PYGL: variants seen among roughly 807,000 people sequenced by gnomAD.
PYGL encodes glycogen phosphorylase L, also known as glycogen phosphorylase, liver form.
Under a neutral mutation model 100.1 loss-of-function variants are expected in PYGL, and 90 were observed. That is an observed-to-expected ratio of 0.90 (90% CI 0.76 to 1.07). PYGL has a LOEUF of 1.07. Ranked by LOEUF, PYGL falls within the 50% of genes least tolerant of loss-of-function variation. The pLI is 0.00. For synonymous variants in PYGL, 373 were observed against 393.0 expected (o/e 0.95, Z 0.60); for missense variants, 1,016 against 1,057.6 (o/e 0.96, Z 0.55).
rs1429859657 is a variant in PYGL at position 50,911,863 on chromosome 14, T to C, written c.1836A>G (p.Pro612=). Reference sequence around the variant, plus strand: ...TGATCATTTTGGCCATGTGATATCCTGGGGCAGCCTTTGGGGAAGAAGGTC... The same window carrying C: ...TGATCATTTTGGCCATGTGATATCCCGGGGCAGCCTTTGGGGAAGAAGGTC... The part of the protein sequence containing the change: ...RTVIIGGKAA[P]GYHMAKMIIK... Residue 612 remains proline (P), a synonymous_variant, in exon 16 of 20, where the codon CCA becomes CCG. Transcript: ENST00000216392. 6.3e-7 allele frequency: 1 copy of C among 1,578,038 alleles called. No homozygotes were observed. The highest frequency in any genetic ancestry group is 8.5e-7 in the Non-Finnish European group (1 of 1,172,310).
At chr14:50,927,455 C>T (rs1270176484) in intron 4 of PYGL, among the ~76,000 whole-genome samples, 1 of 152,164 alleles carries the variant, frequency 6.6e-6, no homozygotes, top group Non-Finnish European at 1.5e-5. Flanking sequence ...GAACTCCTGA[C>T]CTCAAGTGAT....
rs1200149652 is a variant in PYGL at position 50,924,208 on chromosome 14, T to C, written c.529-108A>G. ...AAACATCTTTAACTGAAACAACTTA[T>C]GAATACTGAGTACTGTTTTGTAACT... On this transcript the variant is annotated intron_variant, in intron 4 of 19. Transcript: ENST00000216392. 5 of 1,321,566 alleles carry C rather than the reference T, an allele frequency of 3.8e-6. No homozygotes were observed. The African/African-American group carries it at 5.9e-5, about 16-fold the overall frequency. 81.9% of individuals were successfully genotyped at this position (1,321,566 alleles called of 1,614,324 possible). A position where few individuals can be genotyped will look rare whatever the true frequency, so the allele number is the denominator to read the frequency against.
chr14:50,937,492 A>G (rs777906199), intron 2 of PYGL, among the ~76,000 whole-genome samples: 1 of 152,246 alleles, frequency 6.6e-6, no homozygotes, highest in Non-Finnish European at 1.5e-5. Flanking sequence ...GAATGCTGTC[A>G]AAGACTTTGA....
At chr14:50,938,852 C>T (rs1403893369) in intron 1 of PYGL, among the ~76,000 whole-genome samples, 1 of 152,070 alleles carries the variant, frequency 6.6e-6, no homozygotes, top group African/African-American at 2.4e-5. Context: ...GGCCATAGCT[C>T]ACCATTCATT....
At chr14:50,906,207 T>C (rs1193195063) in intron 19 of PYGL, among the ~76,000 whole-genome samples, 1 of 152,226 alleles carries the variant, frequency 6.6e-6, no homozygotes, top group African/African-American at 2.4e-5. Context: ...AAGGAATTTA[T>C]TTTATAGCCT....
At chr14:50,908,102 T>G (rs1370755868) in intron 19 of PYGL, 169 bp downstream of exon 19, 2 of 317,746 alleles carry the variant, frequency 6.3e-6, no homozygotes, top group South Asian at 4.6e-5. Context: ...AAAGACAAGG[T>G]TTTTTTTTTT....
chr14:50,941,485 A>G lies in PYGL; in HGVS notation c.243+2676T>C, dbSNP rs56875415. Among the ~76,000 whole-genome samples the G allele has an allele frequency of 3.4e-3, 519 of 152,324 alleles. 5 individuals are homozygous for G. Among genetic ancestry groups the G allele is most frequent in the African/African-American group, 0.012 (484 of 41,568 alleles). ...ATAATGGAGGAGAGCACGTCATTCA[A>G]GGGAACCTATAGAAATCAACAGAAA... On this transcript the variant is annotated intron_variant, in intron 1 of 19. Coordinates refer to ENST00000216392, the MANE Select transcript of PYGL (RefSeq NM_002863.5).
At chr14:50,937,692 G>A in intron 2 of PYGL, 44 bp downstream of exon 2, 1 of 1,552,494 alleles carries the variant, frequency 6.4e-7, no homozygotes, top group Non-Finnish European at 8.9e-7. Context: ...AAGTGCACAT[G>A]AAATTTAAAG....
At chr14:50,940,879 C>T (rs775025465) in intron 1 of PYGL, among the ~76,000 whole-genome samples, 1 of 152,236 alleles carries the variant, frequency 6.6e-6, no homozygotes, top group Non-Finnish European at 1.5e-5. Flanking sequence ...ACCTCTGGAA[C>T]ACCTGTCAAT....
chr14:50,915,125 C>T, intron 11 of PYGL: 1 of 691,908 alleles, frequency 1.4e-6, no homozygotes, highest in Non-Finnish European at 2.4e-6. Context: ...GCTCCTATGT[C>T]TAGAATTAAG....
At chr14:50,916,021 C>T (rs748670825) in intron 9 of PYGL, 50 bp from the exon 10 acceptor site, 1 of 1,610,838 alleles carries the variant, frequency 6.2e-7, no homozygotes, top group Admixed American at 1.7e-5. Context: ...GGGCACCCCA[C>T]TGCACGGGCC....
chr14:50,914,886 C>T (rs971315348), intron 11 of PYGL, 71 bp from the exon 12 acceptor site: 45 of 1,190,190 alleles, frequency 3.8e-5, no homozygotes, highest in Middle Eastern at 2.1e-4. Flanking sequence ...GGACAAAGTT[C>T]GGAGTTATAT....
chr14:50,935,254 C>T (rs1200913693), intron 2 of PYGL, 69 bp from the exon 3 acceptor site: 1 of 1,242,044 alleles, frequency 8.1e-7, no homozygotes, highest in Non-Finnish European at 1.2e-6. Flanking sequence ...ACAGCCATTT[C>T]CTACAGCTCT....
intron 7 of PYGL, among the ~76,000 whole-genome samples, chr14:50,919,486 C>A (rs1039926526): frequency 6.6e-6 from 1 of 152,186 alleles, no homozygotes; most frequent in African/African-American, 2.4e-5. Context: ...CTAGTCCCCC[C>A]AAGATCCTTG....
rs373378095 is a variant in PYGL at position 50,920,965 on chromosome 14, G to A, written c.763C>T (p.Leu255Phe). Residue 255 changes from leucine to phenylalanine, a missense_variant, in exon 6 of 20, where the codon CTC becomes TTC. By Grantham distance (22) the Leu-to-Phe change is conservative (BLOSUM62 0). Transcript: ENST00000216392. The part of the protein sequence containing the change: ...WSARAPNDFN[L>F]RDFNVGDYIQ... ...CCTGTGCTGTACTCACAGTCTCTGA[G>A]GTTAAAGTCATTTGGTGCCCGAGCA... is the stretch of plus-strand genomic sequence containing the variant. The A allele has an allele frequency of 1.1e-5, 17 of 1,613,092 alleles. No homozygotes were observed. Among genetic ancestry groups the A allele is most frequent in the Non-Finnish European group, 1.4e-5 (16 of 1,179,014 alleles).
intron 11 of PYGL, 146 bp from the exon 12 acceptor site, chr14:50,914,961 A>G (rs1396842446): frequency 1.4e-6 from 1 of 695,036 alleles, no homozygotes; most frequent in Non-Finnish European, 2.6e-6. Flanking sequence ...GACAGTAGCT[A>G]TGGCTGTCAT....
rs559330721 is a variant in PYGL, at chr14:50,922,376, C to T, written c.661-1309G>A. 6.6e-5 allele frequency among the ~76,000 whole-genome samples: 10 copies of T among 152,210 alleles called. No homozygotes were observed. In the South Asian group the frequency reaches 1.2e-3, roughly 19 times the overall value. On this transcript the variant is annotated intron_variant, in intron 5 of 19. Transcript: ENST00000216392. ...TACTCAGTCATACTTTCGTGATCAC[C>T]GCGACCTCAAAGTAATAAATCACCC... is the stretch of plus-strand genomic sequence containing the variant.
chr14:50,937,918 G>T, intron 1 of PYGL, 81 bp from the exon 2 acceptor site: 1 of 1,243,972 alleles, frequency 8.0e-7, no homozygotes, highest in Non-Finnish European at 1.2e-6. Flanking sequence ...CATGTGTTAG[G>T]TCACCAATAA....
At chr14:50,936,859 T>C (rs895855167) in intron 2 of PYGL, among the ~76,000 whole-genome samples, 3 of 151,928 alleles carry the variant, frequency 2.0e-5, no homozygotes, top group Non-Finnish European at 2.9e-5. Flanking sequence ...TGCCTGGCTA[T>C]AGGCTACTCC....
Sources: allele counts gnomAD v4.1 joint callset (sites outside exome capture counted in the v4.1 genomes callset), GRCh38; gene constraint gnomAD v4.1.1; transcripts MANE v1.5; gene names NCBI Gene and HGNC (gene_info 2026-07-23, HGNC 2026-07-21).